Variants in ROR1 observed in about 807,000 individuals in gnomAD.
ROR1 encodes ROR family WNT receptor 1, also known as inactive tyrosine-protein kinase transmembrane receptor ROR1.
Under a neutral mutation model 78.8 loss-of-function variants are expected in ROR1, and 19 were observed. The observed-to-expected ratio is 0.24, with a 90% confidence interval of 0.17 to 0.35. The LOEUF is 0.35. ROR1 is among the 10% of genes least tolerant of loss of function. The pLI is 1.00. For missense variants in ROR1, 917 were observed against 1,177.8 expected (o/e 0.78, Z 3.24); for synonymous variants, 386 against 433.6 (o/e 0.89, Z 1.36).
intron 1 of ROR1, among the ~76,000 whole-genome samples, chr1:63,918,203 G>C (rs1645624935): frequency 6.6e-6 from 1 of 152,218 alleles, no homozygotes; most frequent in Non-Finnish European, 1.5e-5. Context: ...GATTCACCAT[G>C]TTGTACTTTC....
intron 1 of ROR1, among the ~76,000 whole-genome samples, chr1:63,781,712 T>C (rs1644652480): frequency 6.6e-6 from 1 of 152,204 alleles, no homozygotes; most frequent in African/African-American, 2.4e-5. Flanking sequence ...AGACTGTGCA[T>C]AGTGAGCGCT....
intron 1 of ROR1, chr1:63,788,638 A>G (rs1365907723): frequency 5.7e-6 from 1 of 175,458 alleles, no homozygotes; most frequent in African/African-American, 2.4e-5. Context: ...ATATATATAT[A>G]TTTTAAGGCT....
At chr1:64,127,307 TA>T (rs1393960395) in intron 4 of ROR1, among the ~76,000 whole-genome samples, 1 of 152,196 alleles carries the variant, frequency 6.6e-6, no homozygotes, top group African/African-American at 2.4e-5. Context: ...GAAAGAGACT[TA>T]ATCTCTGGAC....
chr1:63,875,251 A>G (rs1645277834), intron 1 of ROR1, among the ~76,000 whole-genome samples: 1 of 152,208 alleles, frequency 6.6e-6, no homozygotes, highest in Admixed American at 6.6e-5. Context: ...TGCCTACAAC[A>G]ATGCCTGGAG....
chr1:63,904,135 T>G (rs855828), intron 1 of ROR1, among the ~76,000 whole-genome samples: 130,978 of 152,168 alleles, frequency 0.86, 56,738 homozygotes, highest in East Asian at 0.99. Context: ...GCTGAAGAAC[T>G]CAAGTCTCTA....
intron 1 of ROR1, among the ~76,000 whole-genome samples, chr1:63,900,252 G>A (rs559937733): frequency 3.9e-5 from 6 of 152,120 alleles, no homozygotes; most frequent in Non-Finnish European, 4.4e-5. Flanking sequence ...TCAGGAGTTC[G>A]AGATCACCCT....
intron 4 of ROR1, among the ~76,000 whole-genome samples, chr1:64,071,650 G>GT (rs1647005070): frequency 1.3e-5 from 2 of 151,428 alleles, no homozygotes; most frequent in African/African-American, 4.9e-5. Context: ...GTATTTATGG[G>GT]TTTCATCCTC....
intron 4 of ROR1, among the ~76,000 whole-genome samples, chr1:64,051,467 TAAA>T: frequency 4.1e-5 from 1 of 24,658 alleles, no homozygotes; most frequent in East Asian, 8.1e-3. Flanking sequence ...AAAAATAAAA[TAAA>T]ATAAAATAAA....
intron 1 of ROR1, among the ~76,000 whole-genome samples, chr1:63,799,702 T>C (rs1382308676): frequency 1.3e-5 from 2 of 152,138 alleles, no homozygotes; most frequent in African/African-American, 2.4e-5. Context: ...TGTTTATATG[T>C]TTGTCTCTGT....
chr1:63,801,436 A>C (rs1015832514), intron 1 of ROR1, among the ~76,000 whole-genome samples: 1 of 152,048 alleles, frequency 6.6e-6, no homozygotes, highest in Non-Finnish European at 1.5e-5. Flanking sequence ...CTTGGATTAC[A>C]GGCACCCACC....
intron 1 of ROR1, among the ~76,000 whole-genome samples, chr1:63,992,764 A>G (rs993205391): frequency 6.6e-6 from 1 of 152,228 alleles, no homozygotes; most frequent in South Asian, 2.1e-4. Flanking sequence ...GTGAAAATGT[A>G]TAAATGTGCT....
chr1:64,102,132 G>T (rs572118700), intron 4 of ROR1, among the ~76,000 whole-genome samples: 1 of 152,252 alleles, frequency 6.6e-6, no homozygotes, highest in East Asian at 1.9e-4. Context: ...AGAGACAGAG[G>T]CACCAATAGC....
chr1:64,153,293 T>C (rs1000151106), intron 7 of ROR1, among the ~76,000 whole-genome samples: 1 of 152,188 alleles, frequency 6.6e-6, no homozygotes, highest in African/African-American at 2.4e-5. Context: ...ACCATTGTGA[T>C]CTGTTGATAG....
At chr1:64,078,274 T>C (rs1466065020) in intron 4 of ROR1, among the ~76,000 whole-genome samples, 3 of 152,100 alleles carry the variant, frequency 2.0e-5, no homozygotes, top group Admixed American at 6.5e-5. Flanking sequence ...GGAAAAAGAA[T>C]AGGAGTTTGC....
chr1:63,974,729 C>T (rs867933425), intron 1 of ROR1, among the ~76,000 whole-genome samples: 3 of 152,138 alleles, frequency 2.0e-5, no homozygotes, highest in Non-Finnish European at 2.9e-5. Context: ...CCGCACACTC[C>T]TGGGCTCAAG....
At chr1:63,795,944 A>G (rs574627020) in intron 1 of ROR1, among the ~76,000 whole-genome samples, 1 of 152,304 alleles carries the variant, frequency 6.6e-6, no homozygotes, top group African/African-American at 2.4e-5. Flanking sequence ...TGACAAAGGT[A>G]AAAGCATTAC....
At chr1:63,933,131 T>A (rs1057431495) in intron 1 of ROR1, among the ~76,000 whole-genome samples, 4 of 152,100 alleles carry the variant, frequency 2.6e-5, no homozygotes, top group Non-Finnish European at 5.9e-5. Context: ...TGTGGAGGGA[T>A]CAAATGGAAA....
At chr1:63,877,520 A>G (rs1645295668) in intron 1 of ROR1, among the ~76,000 whole-genome samples, 1 of 152,156 alleles carries the variant, frequency 6.6e-6, no homozygotes, top group Non-Finnish European at 1.5e-5. Flanking sequence ...CATTTGTAAA[A>G]TTGTGGTAAA....
At chr1:64,073,210 G>A (rs1012812946) in intron 4 of ROR1, among the ~76,000 whole-genome samples, 5 of 152,086 alleles carry the variant, frequency 3.3e-5, no homozygotes, top group Non-Finnish European at 7.4e-5. Flanking sequence ...GAAGGTATCT[G>A]GGCTAAGAGA....
Sources: allele counts gnomAD v4.1 joint callset (sites outside exome capture counted in the v4.1 genomes callset), GRCh38; gene constraint gnomAD v4.1.1; transcripts MANE v1.5; gene names NCBI Gene and HGNC (gene_info 2026-07-23, HGNC 2026-07-21).